FAM83G: variants seen among roughly 807,000 people sequenced by gnomAD.
FAM83G encodes scaffolding CK1 anchoring protein G, also known as protein FAM83G.
In FAM83G, 38 loss-of-function variants were observed where a neutral mutation model predicts 61.5. That is an observed-to-expected ratio of 0.62 (90% CI 0.48 to 0.81). The LOEUF is 0.81. FAM83G is among the 30% of genes least tolerant of loss of function. FAM83G has a pLI of 0.00. For missense variants in FAM83G, 989 were observed against 1,133.6 expected (o/e 0.87, Z 1.83); for synonymous variants, 470 against 476.1 (o/e 0.99, Z 0.17).
Position 18,978,776 on chromosome 17 carries a change from T to C in FAM83G, c.890A>G (p.Asp297Gly). The change falls in exon 5 of 6, where the codon GAC becomes GGC. Residue 297 changes from aspartate to glycine, a missense_variant. Coordinates refer to ENST00000388995, the MANE Select transcript of FAM83G (RefSeq NM_001039999.3). The stretch of plus-strand genomic sequence containing the variant: ...GAGGTACAGCTCCTGGAACTGCCGG[T>C]CAAACATCTCCACCACCTGGCCAGA... Reference protein sequence around the residue: ...VLSGQVVEMFDRQFQELYLMS... With the variant: ...VLSGQVVEMFGRQFQELYLMS... 1 of 1,612,838 alleles carries C rather than the reference T, an allele frequency of 6.2e-7. No homozygotes were observed. Among genetic ancestry groups the C allele is most frequent in the Non-Finnish European group, 8.5e-7 (1 of 1,179,984 alleles).
chr17:18,987,084 G>A (rs1427738874), intron 3 of FAM83G, among the ~76,000 whole-genome samples: 2 of 152,176 alleles, frequency 1.3e-5, no homozygotes, highest in Admixed American at 1.3e-4. Context: ...GGAGGGGGTG[G>A]GCGCGCCTGA....
chr17:19,005,790 A>G (rs2043870119), upstream of FAM83G, among the ~76,000 whole-genome samples: 1 of 152,102 alleles, frequency 6.6e-6, no homozygotes, highest in Non-Finnish European at 1.5e-5. Context: ...ATGAAGTCCT[A>G]CACTCTGCCA....
At chr17:18,980,743 G>A (rs1164087218) in intron 3 of FAM83G, among the ~76,000 whole-genome samples, 1 of 152,172 alleles carries the variant, frequency 6.6e-6, no homozygotes, top group African/African-American at 2.4e-5. Context: ...AGAATCACAG[G>A]TGTAAAGGGG....
In FAM83G at chr17:18,978,219, G is replaced by C. The variant is rs752734541; in HGVS notation, c.1447C>G (p.Pro483Ala). 1 of 1,578,404 alleles carries C rather than the reference G, an allele frequency of 6.3e-7. No homozygotes were observed. The highest frequency in any genetic ancestry group is 1.7e-5 in the Admixed American group (1 of 58,210). The change falls in exon 5 of 6, where the codon CCC becomes GCC. Residue 483 changes from proline (P) to alanine (A), a missense_variant. Coordinates refer to ENST00000388995, the MANE Select transcript of FAM83G (RefSeq NM_001039999.3). ...TTCTCAGCTGGGACACCGTCCTGGG[G>C]GGCACTGGGCTCTGGGGGAGGGCAA... ...EPCPPPEPSAPQDGVPAENGL... is the reference protein window; with the variant it reads ...EPCPPPEPSAAQDGVPAENGL...
chr17:18,971,617 C>A lies in FAM83G; in HGVS notation c.2214G>T (p.Met738Ile). ...QSSTRNAGPA[M>I]AGPHHWQAKG... is the part of the protein sequence containing the mutation. ...TGGCCTGCCAGTGGTGGGGGCCAGC[C>A]ATGGCTGGGCCAGCGTTTCTGGTAG... is the stretch of plus-strand genomic sequence containing the variant. The change falls in exon 6 of 6, where the codon ATG becomes ATT. Residue 738 changes from methionine to isoleucine, a missense_variant. This residue lies in a region of FAM83G where 574 missense variants were observed against 645.1 expected (regional missense o/e 0.89). Transcript: ENST00000388995. The surrounding 1 kb of genome is among the most constrained non-coding windows in gnomAD (Gnocchi z 5.5). 1 of 1,613,430 alleles carries A rather than the reference C, an allele frequency of 6.2e-7. No homozygotes were observed. The highest frequency in any genetic ancestry group is 2.2e-5 in the East Asian group (1 of 44,864).
intron 3 of FAM83G, among the ~76,000 whole-genome samples, chr17:18,983,273 C>A (rs1228048601): frequency 1.3e-5 from 2 of 152,282 alleles, no homozygotes; most frequent in Non-Finnish European, 2.9e-5. Flanking sequence ...TCACACAACC[C>A]CGTGAGGCAT....
At chr17:18,995,133 C>A (rs1046536016) in intron 2 of FAM83G, among the ~76,000 whole-genome samples, 1 of 152,032 alleles carries the variant, frequency 6.6e-6, no homozygotes, top group Non-Finnish European at 1.5e-5. Context: ...TTACCAGACA[C>A]ACAAAGAAAC....
intron 3 of FAM83G, among the ~76,000 whole-genome samples, chr17:18,984,752 C>A (rs1452201009): frequency 6.6e-6 from 1 of 152,228 alleles, no homozygotes; most frequent in Non-Finnish European, 1.5e-5. Flanking sequence ...AGTATCACCC[C>A]CAAAAGCAGC....
chr17:18,984,521 G>A (rs1034021415), intron 3 of FAM83G, among the ~76,000 whole-genome samples: 4 of 152,318 alleles, frequency 2.6e-5, no homozygotes, highest in East Asian at 1.9e-4. Flanking sequence ...CTTCCTCACC[G>A]TGTGCCTTCC....
chr17:18,976,705 G>A, intron 5 of FAM83G: 3 of 1,031,550 alleles, frequency 2.9e-6, no homozygotes, highest in Non-Finnish European at 2.8e-6. Context: ...TGACAGTATT[G>A]GGGCTTTGAG....
In FAM83G at chr17:19,004,247, G is replaced by T; in HGVS notation, c.-128-78C>A. The T allele has an allele frequency of 4.1e-6, 2 of 487,120 alleles. No homozygotes were observed. The highest frequency in any genetic ancestry group is 2.4e-5 in the South Asian group (1 of 42,534). 30.2% of individuals were successfully genotyped at this position (487,120 alleles called of 1,614,324 possible). ...GGAGGGGCGGCGGGGGCGGGGCCGGGAACTCAGGTGGGCGTGGGAAGGACG... is the reference window on the plus strand; with the variant it reads ...GGAGGGGCGGCGGGGGCGGGGCCGGTAACTCAGGTGGGCGTGGGAAGGACG... On this transcript the variant is annotated intron_variant, in intron 1 of 5. Transcript: ENST00000388995. This position sits in a 1 kb window ranked among gnomAD's most constrained non-coding sequence, Gnocchi z 5.4.
chr17:18,989,876 G>A (rs1424036316), intron 2 of FAM83G, among the ~76,000 whole-genome samples: 1 of 152,170 alleles, frequency 6.6e-6, no homozygotes, highest in Non-Finnish European at 1.5e-5. Flanking sequence ...ACCTACCTCC[G>A]AGTCAGGTCA....
chr17:18,971,814 C>T lies in FAM83G; in HGVS notation c.2083-66G>A, dbSNP rs2042863814. On this transcript the variant is annotated intron_variant, in intron 5 of 5. Transcript: ENST00000388995. The surrounding 1 kb of genome is among the most constrained non-coding windows in gnomAD (Gnocchi z 5.5). Reference sequence around the variant, plus strand: ...GCCAACCCCGCCCCAGCACAGGACCCTGCTCAGGCACACAGGAGCCGGCAG... The same window carrying T: ...GCCAACCCCGCCCCAGCACAGGACCTTGCTCAGGCACACAGGAGCCGGCAG... The T allele has an allele frequency of 2.0e-6, 3 of 1,499,206 alleles. No homozygotes were observed. The highest frequency in any genetic ancestry group is 2.7e-6 in the Non-Finnish European group (3 of 1,122,518). 92.9% of individuals were successfully genotyped at this position (1,499,206 alleles called of 1,614,324 possible).
chr17:18,992,965 C>A (rs1386511286), intron 2 of FAM83G, among the ~76,000 whole-genome samples: 2 of 152,212 alleles, frequency 1.3e-5, no homozygotes, highest in Non-Finnish European at 2.9e-5. Flanking sequence ...TGTTTCCTAG[C>A]CTTCCTGTGA....
At chr17:18,990,517 G>A (rs2043389458) in intron 2 of FAM83G, among the ~76,000 whole-genome samples, 1 of 152,232 alleles carries the variant, frequency 6.6e-6, no homozygotes, top group African/African-American at 2.4e-5. Flanking sequence ...ACCAGGCCCT[G>A]CCTACCGTGG....
chr17:18,974,037 C>A (rs146315116), intron 5 of FAM83G, among the ~76,000 whole-genome samples: 3 of 152,088 alleles, frequency 2.0e-5, no homozygotes, highest in African/African-American at 7.2e-5. Flanking sequence ...GGATTACAAG[C>A]GTGTACCATC....
intron 5 of FAM83G, chr17:18,976,663 GC>G: frequency 1.5e-6 from 1 of 669,804 alleles, no homozygotes; most frequent in South Asian, 2.2e-5. Flanking sequence ...TCGCTGCTTG[GC>G]CTGCTGAAGT....
upstream of FAM83G, among the ~76,000 whole-genome samples, chr17:19,005,577 G>C (rs1000108166): frequency 2.6e-5 from 4 of 152,106 alleles, no homozygotes; most frequent in African/African-American, 9.7e-5. Context: ...GATCTGGATG[G>C]GGCTGGTTTG....
intron 4 of FAM83G, 143 bp downstream of exon 4, chr17:18,979,406 G>T: frequency 1.0e-6 from 1 of 959,792 alleles, no homozygotes; most frequent in African/African-American, 1.7e-5. Flanking sequence ...ACAGACAGGC[G>T]GGCAGATGTG....
Sources: allele counts gnomAD v4.1 joint callset (sites outside exome capture counted in the v4.1 genomes callset), GRCh38; gene constraint gnomAD v4.1.1; regional missense constraint gnomAD v4.1.1; non-coding constraint Gnocchi (gnomAD v3.1); transcripts MANE v1.5; gene names NCBI Gene and HGNC (gene_info 2026-07-23, HGNC 2026-07-21).